The following DAPP1 variants were observed in gnomAD, a reference collection of about 807,000 sequenced individuals.
The protein encoded by DAPP1 is dual adapter for phosphotyrosine and 3-phosphotyrosine and 3-phosphoinositide.
A neutral mutation model predicts 41.5 loss-of-function variants in DAPP1; 20 were observed. The ratio of observed to expected loss-of-function variants is 0.48; its 90% CI spans 0.34 to 0.70. DAPP1 has a LOEUF of 0.70. Ranked by LOEUF, DAPP1 falls within the 30% of genes least tolerant of loss-of-function variation. The pLI, the probability that DAPP1 is intolerant of heterozygous loss-of-function variation, is 0.01. For missense variants in DAPP1, 233 were observed against 333.4 expected (o/e 0.70, Z 2.35); for synonymous variants, 113 against 116.2 (o/e 0.97, Z 0.18).
chr4:99,841,225 G>C (rs954655817), intron 3 of DAPP1, among the ~76,000 whole-genome samples: 1 of 152,192 alleles, frequency 6.6e-6, no homozygotes, highest in South Asian at 2.1e-4. Flanking sequence ...GTACATACGT[G>C]TTTTCTTGGC....
intron 1 of DAPP1, among the ~76,000 whole-genome samples, chr4:99,834,822 T>C (rs527368282): frequency 2.6e-5 from 4 of 152,228 alleles, no homozygotes; most frequent in Admixed American, 6.5e-5. Flanking sequence ...AAGTCGGAAA[T>C]CAAGGTGTCA....
At chr4:99,843,973 A>G (rs1176725431) in intron 3 of DAPP1, among the ~76,000 whole-genome samples, 2 of 152,250 alleles carry the variant, frequency 1.3e-5, no homozygotes, top group Admixed American at 1.3e-4. Context: ...TTATAAAAAC[A>G]TAATTTGAAA....
intron 2 of DAPP1, 46 bp downstream of exon 2, chr4:99,835,791 CACTT>C: frequency 6.3e-7 from 1 of 1,591,678 alleles, no homozygotes; most frequent in African/African-American, 1.4e-5. Flanking sequence ...GCTCCTCTGT[CACTT>C]ACTGACTTTA....
Position 99,862,711 on chromosome 4 carries a change from A to G in DAPP1, c.538-299A>G, listed in dbSNP as rs975433530. ...TTGTATTTAAAAATATACTAATGAT[A>G]TATCTGCCTTCATTATGAGCTTAAT... is the stretch of plus-strand genomic sequence containing the variant. On this transcript the variant is annotated intron_variant, in intron 5 of 8. Coordinates refer to ENST00000512369, the MANE Select transcript of DAPP1 (RefSeq NM_014395.3). 4.1e-5 allele frequency among the ~76,000 whole-genome samples: 6 copies of G among 147,412 alleles called. 1 individual carries two copies. The highest frequency in any genetic ancestry group is 7.6e-5 in the African/African-American group (3 of 39,702).
chr4:99,858,924 C>G (rs1724141593), intron 4 of DAPP1, among the ~76,000 whole-genome samples: 1 of 151,360 alleles, frequency 6.6e-6, no homozygotes, highest in Non-Finnish European at 1.5e-5. Flanking sequence ...CAGTGTGTCA[C>G]TCCGTCACTC....
intron 1 of DAPP1, among the ~76,000 whole-genome samples, chr4:99,818,699 G>A (rs1440811900): frequency 2.0e-5 from 3 of 151,906 alleles, no homozygotes; most frequent in African/African-American, 7.3e-5. Context: ...AAAAAAAAAA[G>A]GGTACATTCA....
chr4:99,851,534 G>GTTTTTT lies in DAPP1; in HGVS notation c.359-1665_359-1660dup, dbSNP rs537614787. Among the ~76,000 whole-genome samples the GTTTTTT allele has an allele frequency of 8.9e-4, 69 of 77,792 alleles. 2 individuals are homozygous for GTTTTTT. The highest frequency in any genetic ancestry group is 1.3e-3 in the Non-Finnish European group (55 of 42,508). The allele number at this position is 77,792 out of a possible 152,430, so 51.0% of individuals were successfully genotyped here. On this transcript the variant is annotated intron_variant, in intron 3 of 8. Transcript: ENST00000512369. Reference sequence around the variant, plus strand: ...TCATAGACAGGTTTTGTTTTGTGTAGTTTTTTTTTTTTTTTTTTTTTTTTG... The same window carrying GTTTTTT: ...TCATAGACAGGTTTTGTTTTGTGTAGTTTTTTTTTTTTTTTTTTTTTTTTTTTTTTG...
intron 4 of DAPP1, among the ~76,000 whole-genome samples, chr4:99,856,364 G>A (rs1181232123): frequency 1.3e-5 from 2 of 152,204 alleles, no homozygotes; most frequent in Non-Finnish European, 1.5e-5. Context: ...AGTGACTCAT[G>A]TCAAGATGTG....
intron 1 of DAPP1, 80 bp downstream of exon 1, chr4:99,817,094 G>T (rs1722613620): frequency 7.3e-6 from 8 of 1,094,240 alleles, no homozygotes; most frequent in Non-Finnish European, 1.1e-5. Flanking sequence ...TTTGATTAAT[G>T]ACTATCTTCA....
At chr4:99,832,224 A>G (rs1336089599) in intron 1 of DAPP1, among the ~76,000 whole-genome samples, 3 of 152,224 alleles carry the variant, frequency 2.0e-5, no homozygotes, top group African/African-American at 7.2e-5. Context: ...GCAATGACTG[A>G]AGGCAGAAAA....
intron 6 of DAPP1, among the ~76,000 whole-genome samples, chr4:99,863,354 A>G (rs1040169748): frequency 3.3e-5 from 5 of 152,200 alleles, no homozygotes; most frequent in Non-Finnish European, 5.9e-5. Context: ...ACAATTTATT[A>G]ACTGTCTCTT....
At chr4:99,831,935 T>C (rs759281590) in intron 1 of DAPP1, among the ~76,000 whole-genome samples, 36 of 151,780 alleles carry the variant, frequency 2.4e-4, no homozygotes, top group Non-Finnish European at 4.1e-4. Context: ...ACTTTTACTA[T>C]ATATGCTTTA....
At chr4:99,820,481 C>T (rs1219014026) in intron 1 of DAPP1, among the ~76,000 whole-genome samples, 1 of 152,156 alleles carries the variant, frequency 6.6e-6, no homozygotes, top group African/African-American at 2.4e-5. Context: ...AGTTGTAACT[C>T]CAAGTGAGAA....
At chr4:99,841,322 T>C (rs79690942) in intron 3 of DAPP1, among the ~76,000 whole-genome samples, 1,669 of 152,334 alleles carry the variant, frequency 0.011, 40 homozygotes, top group African/African-American at 0.037. Flanking sequence ...ATTTATGTGG[T>C]GTGGGTAGTC....
chr4:99,821,328 T>C (rs1203708315), intron 1 of DAPP1, among the ~76,000 whole-genome samples: 1 of 152,208 alleles, frequency 6.6e-6, no homozygotes, highest in Admixed American at 6.5e-5. Context: ...AAGCTAAGTA[T>C]ACGATCCAGG....
rs201164049 is a variant in DAPP1, at chr4:99,863,782, A to G, written c.613A>G (p.Ile205Val). Reference protein sequence around the residue: ...YFKDQMSPEPIRILDLTECSA... With the variant: ...YFKDQMSPEPVRILDLTECSA... ...TTATTTTATTTAGTCACCAGAACCA[A>G]TTCGGATCCTAGACCTAACAGAATG... The change falls in exon 7 of 9, where the codon ATT becomes GTT. Residue 205 changes from isoleucine to valine, a missense_variant. Transcript: ENST00000512369. 1.5e-5 allele frequency: 24 copies of G among 1,589,750 alleles called. No individual in the cohort carries two copies. Among genetic ancestry groups the G allele is most frequent in the Admixed American group, 5.3e-5 (3 of 56,750 alleles).
At chr4:99,862,817 A>C (rs988897199) in intron 5 of DAPP1, among the ~76,000 whole-genome samples, 193 bp from the exon 6 acceptor site, 22 of 151,866 alleles carry the variant, frequency 1.4e-4, no homozygotes, top group Admixed American at 1.2e-3. Flanking sequence ...TTAATGCATG[A>C]AATTATTTTA....
Position 99,869,590 on chromosome 4 carries a change from G to C in DAPP1, c.*1405G>C, listed in dbSNP as rs1323878316. 5 of 152,112 alleles carry C rather than the reference G, an allele frequency of 3.3e-5. No homozygotes were observed. The highest frequency in any genetic ancestry group is 7.4e-5 in the Non-Finnish European group (5 of 68,020). 9.4% of individuals were successfully genotyped at this position (152,112 alleles called of 1,614,324 possible). On this transcript the variant is annotated 3_prime_UTR_variant, in exon 9 of 9. Coordinates refer to ENST00000512369, the MANE Select transcript of DAPP1 (RefSeq NM_014395.3). The stretch of plus-strand genomic sequence containing the variant: ...TATTTTGTTATGTTTGTATTATATA[G>C]GATAAAGCAAATGTCAAGTTAAAAT...
chr4:99,837,075 T>C (rs1388996293), intron 2 of DAPP1, among the ~76,000 whole-genome samples: 5 of 152,242 alleles, frequency 3.3e-5, no homozygotes, highest in African/African-American at 1.2e-4. Context: ...CATGGGTGTT[T>C]GCTTTCTTGC....
Sources: gnomAD v4.1 joint callset for allele counts (sites outside exome capture counted in the v4.1 genomes callset) on GRCh38, gnomAD v4.1.1 for gene constraint, MANE v1.5 for transcripts, NCBI Gene and HGNC (gene_info 2026-07-23, HGNC 2026-07-21) for gene names.